ABLIM1: variants seen among roughly 807,000 people sequenced by gnomAD.
The protein encoded by ABLIM1 is actin-binding LIM protein 1.
ABLIM1 carries 40 observed loss-of-function variants against 107.0 expected under a neutral mutation model. That is an observed-to-expected ratio of 0.37 (90% CI 0.29 to 0.49). The LOEUF (loss-of-function observed/expected upper bound fraction) is 0.49. Ranked by LOEUF, ABLIM1 falls within the 20% of genes least tolerant of loss-of-function variation. The probability of loss-of-function intolerance (pLI) is 0.97; values close to 1 mark genes in which losing one functional copy is unlikely to be tolerated. For synonymous variants in ABLIM1, 357 were observed against 357.3 expected (o/e 1.00, Z 0.01); for missense variants, 857 against 1,008.5 (o/e 0.85, Z 2.04).
At chr10:114,756,589 T>C (rs1366299880) in intron 1 of ABLIM1, among the ~76,000 whole-genome samples, 1 of 152,148 alleles carries the variant, frequency 6.6e-6, no homozygotes, top group African/African-American at 2.4e-5. Context: ...CTCAGTAGAG[T>C]TTAAAATTTT....
At chr10:114,739,924 A>G (rs1398749773) in intron 1 of ABLIM1, among the ~76,000 whole-genome samples, 4 of 152,148 alleles carry the variant, frequency 2.6e-5, no homozygotes, top group African/African-American at 2.4e-5. Flanking sequence ...ATAAAACTAA[A>G]GTAAAAAGAA....
intron 1 of ABLIM1, among the ~76,000 whole-genome samples, chr10:114,721,749 A>T (rs1190133681): frequency 6.6e-6 from 1 of 152,054 alleles, no homozygotes; most frequent in Non-Finnish European, 1.5e-5. Context: ...CAGCCTCCCA[A>T]AGTGCTGGGA....
intron 1 of ABLIM1, among the ~76,000 whole-genome samples, chr10:114,616,928 T>G (rs2077162879): frequency 6.6e-6 from 1 of 152,228 alleles, no homozygotes; most frequent in African/African-American, 2.4e-5. Flanking sequence ...ATGAGGAAAC[T>G]GAGGCAACAG....
chr10:114,570,015 G>A (rs1486859621), intron 4 of ABLIM1, among the ~76,000 whole-genome samples: 1 of 152,130 alleles, frequency 6.6e-6, no homozygotes, highest in East Asian at 1.9e-4. Flanking sequence ...TCTCTAATAG[G>A]AAGATTTGGA....
chr10:114,741,291 T>A (rs966870839), intron 1 of ABLIM1, among the ~76,000 whole-genome samples: 2 of 128,952 alleles, frequency 1.6e-5, no homozygotes, highest in African/African-American at 5.7e-5. Flanking sequence ...AGTGGCGCCA[T>A]CTCAGCTCAC....
Position 114,709,736 on chromosome 10 carries a change from A to G in ABLIM1, c.-213+58325T>C, listed in dbSNP as rs191980959. Among the ~76,000 whole-genome samples the G allele has an allele frequency of 5.6e-3, 850 of 152,078 alleles. 7 individuals are homozygous for G. The highest frequency in any genetic ancestry group is 9.8e-3 in the Non-Finnish European group (669 of 68,030). On this transcript the variant is annotated intron_variant, in intron 1 of 15. Coordinates refer to the ABLIM1 transcript ENST00000651092. ...TCAAAAATGTAGCAGGGAAAATATTATACAGGTACGTCAGAACATGTTTAT... is the reference window on the plus strand; with the variant it reads ...TCAAAAATGTAGCAGGGAAAATATTGTACAGGTACGTCAGAACATGTTTAT...
intron 1 of ABLIM1, among the ~76,000 whole-genome samples, chr10:114,743,332 T>G (rs808329): frequency 6.6e-6 from 1 of 152,072 alleles, no homozygotes; most frequent in East Asian, 1.9e-4. Flanking sequence ...GTAACTCAAT[T>G]AGCTATTAAA....
chr10:114,536,097 C>T (rs1295194059), intron 6 of ABLIM1, among the ~76,000 whole-genome samples: 1 of 152,026 alleles, frequency 6.6e-6, no homozygotes, highest in African/African-American at 2.4e-5. Context: ...TCGTTATTTC[C>T]CCCTTCCCCC....
chr10:114,461,455 CTAAAGTA>C (rs968247024), intron 12 of ABLIM1, among the ~76,000 whole-genome samples: 8 of 149,132 alleles, frequency 5.4e-5, no homozygotes, highest in African/African-American at 2.0e-4. Flanking sequence ...TAAACATTCT[CTAAAGTA>C]TAATCTTGAC....
upstream of ABLIM1, among the ~76,000 whole-genome samples, chr10:114,685,829 T>C (rs1362837597): frequency 6.6e-6 from 1 of 152,224 alleles, no homozygotes; most frequent in East Asian, 1.9e-4. Flanking sequence ...TGTCTTGGGA[T>C]TTTTACCATA....
intron 1 of ABLIM1, among the ~76,000 whole-genome samples, chr10:114,648,533 T>G (rs1264420738): frequency 6.6e-6 from 1 of 152,082 alleles, no homozygotes; most frequent in Non-Finnish European, 1.5e-5. Context: ...GGAATGTGAG[T>G]CATCAGGGAT....
At chr10:114,601,162 T>C (rs1415943695) in intron 2 of ABLIM1, among the ~76,000 whole-genome samples, 1 of 151,334 alleles carries the variant, frequency 6.6e-6, no homozygotes, top group Non-Finnish European at 1.5e-5. Flanking sequence ...CTATAACTAA[T>C]GGGTATTAGG....
intron 1 of ABLIM1, among the ~76,000 whole-genome samples, chr10:114,725,896 C>T (rs2142091220): frequency 1.3e-5 from 2 of 151,938 alleles, no homozygotes; most frequent in South Asian, 2.1e-4. Flanking sequence ...CAGGTGCACA[C>T]CACCATGCAC....
intron 20 of ABLIM1, 147 bp downstream of exon 20, chr10:114,439,935 C>T (rs2059957573): frequency 7.1e-7 from 1 of 1,401,222 alleles, no homozygotes; most frequent in South Asian, 1.3e-5. Context: ...CATGTCTGCT[C>T]TTCACGGCTA....
intron 6 of ABLIM1, among the ~76,000 whole-genome samples, chr10:114,508,049 C>T (rs1374982611): frequency 2.0e-5 from 3 of 152,246 alleles, no homozygotes; most frequent in Admixed American, 2.0e-4. Flanking sequence ...GCCAGGCTTC[C>T]ATCCCCGTTG....
chr10:114,584,006 A>G (rs906016658), intron 2 of ABLIM1, among the ~76,000 whole-genome samples: 2 of 152,128 alleles, frequency 1.3e-5, no homozygotes, highest in African/African-American at 4.8e-5. Context: ...AAAGCTACCT[A>G]TTGGGTACTA....
intron 8 of ABLIM1, among the ~76,000 whole-genome samples, chr10:114,484,733 C>T (rs755421606): frequency 2.0e-5 from 3 of 152,278 alleles, no homozygotes; most frequent in Non-Finnish European, 4.4e-5. Flanking sequence ...CACTGCCTTT[C>T]CCGGCTGCAC....
chr10:114,705,370 G>A (rs1031070570), intron 1 of ABLIM1, among the ~76,000 whole-genome samples: 4 of 152,118 alleles, frequency 2.6e-5, no homozygotes, highest in African/African-American at 4.8e-5. Context: ...ATATCCTAAA[G>A]TGAAACATGG....
chr10:114,794,733 G>A, the ABLIM1 span, among the ~76,000 whole-genome samples: 1 of 152,140 alleles, frequency 6.6e-6, no homozygotes, highest in South Asian at 2.1e-4. Flanking sequence ...TAATTAGCTG[G>A]ATCATAGCCA....
Sources: allele counts gnomAD v4.1 joint callset (sites outside exome capture counted in the v4.1 genomes callset), GRCh38; gene constraint gnomAD v4.1.1; transcripts MANE v1.5; gene names NCBI Gene and HGNC (gene_info 2026-07-23, HGNC 2026-07-21).